HEBP1: variants seen among roughly 807,000 people sequenced by gnomAD.
The protein encoded by HEBP1 is heme binding protein 1.
Under a neutral mutation model 20.4 loss-of-function variants are expected in HEBP1, and 13 were observed. The ratio of observed to expected loss-of-function variants is 0.64; its 90% CI spans 0.42 to 1.01. The LOEUF (loss-of-function observed/expected upper bound fraction) is 1.01. Ranked by LOEUF, HEBP1 falls within the 50% of genes least tolerant of loss-of-function variation. HEBP1 has a pLI of 0.00. For missense variants in HEBP1, 241 were observed against 247.3 expected (o/e 0.97, Z 0.17); for synonymous variants, 92 against 90.7 (o/e 1.01, Z -0.08).
intron 3 of HEBP1, chr12:12,979,408 A>G (rs575028339): frequency 6.5e-6 from 1 of 152,800 alleles, no homozygotes; most frequent in South Asian, 2.1e-4. Flanking sequence ...TAATTTAACC[A>G]ACCACACTGA....
Position 12,975,305 on chromosome 12 carries a change from C to A in HEBP1, c.*3G>T. On this transcript the variant is annotated 3_prime_UTR_variant, in exon 4 of 4. Coordinates refer to ENST00000014930, the MANE Select transcript of HEBP1 (RefSeq NM_015987.5). ...CCAGTAAGTTCTTGGTTCAGTGGGT[C>A]ACTCATGTCTTCAACAGCCAGATCT... 6.2e-7 allele frequency: 1 copy of A among 1,613,164 alleles called. No homozygotes were observed. The highest frequency in any genetic ancestry group is 1.1e-5 in the South Asian group (1 of 91,026).
chr12:12,990,283 T>C (rs892890816), intron 1 of HEBP1, among the ~76,000 whole-genome samples: 7 of 151,820 alleles, frequency 4.6e-5, no homozygotes, highest in Non-Finnish European at 8.8e-5. Context: ...ATCCTCCTAC[T>C]TAGGCTTCCT....
Position 12,986,962 on chromosome 12 carries a change from GATAAA to G in HEBP1, c.398+185_398+189del. 3.4e-6 allele frequency: 2 copies of G among 586,766 alleles called. No individual in the cohort carries two copies. Among genetic ancestry groups the G allele is most frequent in the South Asian group, 4.6e-5 (2 of 43,952 alleles). The allele number at this position is 586,766 out of a possible 1,614,324, so 36.3% of individuals were successfully genotyped here. On this transcript the variant is annotated intron_variant, in intron 3 of 3. Transcript: ENST00000014930. The surrounding 1 kb of genome is among the most constrained non-coding windows in gnomAD (Gnocchi z 4.3). The stretch of plus-strand genomic sequence containing the variant: ...GGCAACTGGCCAAGGCATTTATTCT[GATAAA>G]ATGCAAATGTGTGTGTGCTGCAGCC...
At chr12:12,980,054 C>G (rs1864056853) in intron 3 of HEBP1, 1 of 152,250 alleles carries the variant, frequency 6.6e-6, no homozygotes, top group South Asian at 2.1e-4. Context: ...CTTGACCATT[C>G]AACTTCGAAA....
At chr12:12,994,738 C>T (rs1864271093) in intron 1 of HEBP1, among the ~76,000 whole-genome samples, 1 of 152,156 alleles carries the variant, frequency 6.6e-6, no homozygotes. Flanking sequence ...AGTTCATCTC[C>T]TCCTGATACA....
Position 12,986,137 on chromosome 12 carries a change from G to A in HEBP1, c.398+1015C>T, listed in dbSNP as rs533162529. The A allele has an allele frequency of 2.6e-5, 4 of 152,326 alleles. No individual in the cohort carries two copies. The highest frequency in any genetic ancestry group is 2.1e-4 in the South Asian group (1 of 4,820). The allele number at this position is 152,326 out of a possible 1,614,324, so 9.4% of individuals were successfully genotyped here. Reference sequence around the variant, plus strand: ...AAGGGAAGCTGGGAAGTCTGAATGAGGACTGCAGGACAAGCACAGGAGCTG... The same window carrying A: ...AAGGGAAGCTGGGAAGTCTGAATGAAGACTGCAGGACAAGCACAGGAGCTG... On this transcript the variant is annotated intron_variant, in intron 3 of 3. Coordinates refer to ENST00000014930, the MANE Select transcript of HEBP1 (RefSeq NM_015987.5). The surrounding 1 kb of genome is among the most constrained non-coding windows in gnomAD (Gnocchi z 4.3).
intron 3 of HEBP1, chr12:12,980,077 T>C (rs1343923065): frequency 1.3e-5 from 2 of 152,202 alleles, no homozygotes; most frequent in African/African-American, 4.8e-5. Context: ...TTAACATCAA[T>C]GGATCAGCAC....
chr12:12,983,810 C>T, intron 3 of HEBP1: 1 of 455,280 alleles, frequency 2.2e-6, no homozygotes, highest in South Asian at 1.6e-5. Flanking sequence ...CCCCTTCCCA[C>T]CATAAGAAAC....
intron 2 of HEBP1, 105 bp downstream of exon 2, chr12:12,989,172 C>T: frequency 8.1e-7 from 1 of 1,227,572 alleles, no homozygotes; most frequent in Non-Finnish European, 1.2e-6. Flanking sequence ...TGAAACAGGT[C>T]ACTACAGGTG....
chr12:12,983,918 C>T (rs1400325170), intron 3 of HEBP1: 2 of 371,656 alleles, frequency 5.4e-6, no homozygotes, highest in African/African-American at 4.2e-5. Flanking sequence ...AGGGAGCCAT[C>T]AACGACTACT....
chr12:12,986,557 T>A lies in HEBP1; in HGVS notation c.398+595A>T, dbSNP rs1271461732. 3 of 152,152 alleles carry A rather than the reference T, an allele frequency of 2.0e-5. No individual in the cohort carries two copies. Among genetic ancestry groups the A allele is most frequent in the Non-Finnish European group, 2.9e-5 (2 of 68,038 alleles). 9.4% of individuals were successfully genotyped at this position (152,152 alleles called of 1,614,324 possible). Reference sequence around the variant, plus strand: ...AGAAGACTTGGTTTCTGAGGGCAGTTTGGAGCACAAGGGATAGAAACTAGT... The same window carrying A: ...AGAAGACTTGGTTTCTGAGGGCAGTATGGAGCACAAGGGATAGAAACTAGT... On this transcript the variant is annotated intron_variant, in intron 3 of 3. Coordinates refer to ENST00000014930, the MANE Select transcript of HEBP1 (RefSeq NM_015987.5). The surrounding 1 kb of genome is among the most constrained non-coding windows in gnomAD (Gnocchi z 4.3).
intron 1 of HEBP1, among the ~76,000 whole-genome samples, chr12:12,989,619 T>G (rs533727652): frequency 6.6e-6 from 1 of 152,230 alleles, no homozygotes; most frequent in Admixed American, 6.5e-5. Context: ...ATCTTATACA[T>G]TATATTCTTG....
rs1864320132 is a variant in HEBP1, at chr12:12,998,799, G to A, written c.78+1238C>T. Among the ~76,000 whole-genome samples the A allele has an allele frequency of 1.3e-5, 2 of 152,290 alleles. No homozygotes were observed. Among genetic ancestry groups the A allele is most frequent in the South Asian group, 4.1e-4 (2 of 4,828 alleles). Reference sequence around the variant, plus strand: ...CACTGTTTAAACTACCTGTCCACCAGGAGATTATAATCTAGCAGCACTCTC... The same window carrying A: ...CACTGTTTAAACTACCTGTCCACCAAGAGATTATAATCTAGCAGCACTCTC... On this transcript the variant is annotated intron_variant, in intron 1 of 3. Transcript: ENST00000014930. The surrounding 1 kb of genome is among the most constrained non-coding windows in gnomAD (Gnocchi z 4.2).
chr12:12,984,915 G>A (rs1185471441), intron 3 of HEBP1, among the ~76,000 whole-genome samples: 1 of 152,218 alleles, frequency 6.6e-6, no homozygotes, highest in Non-Finnish European at 1.5e-5. Flanking sequence ...ACTTTGGGAG[G>A]CCGAGGCAGG....
At position 12,996,307 on chromosome 12, in the gene HEBP1, C is replaced by T. The variant is rs186139931; in HGVS notation, c.78+3730G>A. Among the ~76,000 whole-genome samples, 11 of 152,282 alleles carry T rather than the reference C, an allele frequency of 7.2e-5. No homozygotes were observed. Among genetic ancestry groups the T allele is most frequent in the East Asian group, 3.9e-4 (2 of 5,184 alleles). On this transcript the variant is annotated intron_variant, in intron 1 of 3. Coordinates refer to ENST00000014930, the MANE Select transcript of HEBP1 (RefSeq NM_015987.5). The surrounding 1 kb of genome is among the most constrained non-coding windows in gnomAD (Gnocchi z 4.1). Reference sequence around the variant, plus strand: ...CAGGTCCTAACCTGTGTGCACAGGCCGGACACAAATCTGATTAAGGATGTC... The same window carrying T: ...CAGGTCCTAACCTGTGTGCACAGGCTGGACACAAATCTGATTAAGGATGTC...
At chr12:12,990,348 AT>A (rs56222166) in intron 1 of HEBP1, among the ~76,000 whole-genome samples, 105,742 of 142,448 alleles carry the variant, frequency 0.74, 40,788 homozygotes, top group East Asian at 0.97. Context: ...AAAAAAAAAA[AT>A]TTTTTTTTTT....
At chr12:12,987,866 C>T (rs1389541797) in intron 2 of HEBP1, among the ~76,000 whole-genome samples, 1 of 152,044 alleles carries the variant, frequency 6.6e-6, no homozygotes, top group Non-Finnish European at 1.5e-5. Context: ...TAAACTCCTA[C>T]CTCAAGTGAT....
chr12:12,981,746 A>G (rs549656757), intron 3 of HEBP1, among the ~76,000 whole-genome samples: 20 of 152,146 alleles, frequency 1.3e-4, no homozygotes, highest in Non-Finnish European at 2.5e-4. Flanking sequence ...GAAATCCACT[A>G]TCTTTTGAAT....
intron 3 of HEBP1, among the ~76,000 whole-genome samples, chr12:12,978,177 G>A (rs1864021044): frequency 7.0e-6 from 1 of 142,848 alleles, no homozygotes; most frequent in Non-Finnish European, 1.5e-5. Flanking sequence ...CATCCTATAT[G>A]CACAGGTAGA....
Sources: gnomAD v4.1 joint callset for allele counts (sites outside exome capture counted in the v4.1 genomes callset) on GRCh38, gnomAD v4.1.1 for gene constraint, Gnocchi (gnomAD v3.1) non-coding constraint, MANE v1.5 for transcripts, NCBI Gene and HGNC (gene_info 2026-07-23, HGNC 2026-07-21) for gene names.